SYNJ2: variants seen among roughly 807,000 people sequenced by gnomAD.
The protein encoded by SYNJ2 is synaptojanin 2.
In SYNJ2, 116 loss-of-function variants were observed where a neutral mutation model predicts 141.3. The observed-to-expected ratio is 0.82, with a 90% CI of 0.71 to 0.96. SYNJ2 has a LOEUF of 0.96. Ranked by LOEUF, SYNJ2 falls within the 40% of genes least tolerant of loss-of-function variation. The pLI is 0.00. For synonymous variants in SYNJ2, 745 were observed against 777.7 expected (o/e 0.96, Z 0.70); for missense variants, 1,873 against 1,934.8 (o/e 0.97, Z 0.60).
At chr6:158,055,069 C>T (rs1193787682) in intron 6 of SYNJ2, 41 bp downstream of exon 6, 1 of 1,604,884 alleles carries the variant, frequency 6.2e-7, no homozygotes. Flanking sequence ...TCATTGTCAT[C>T]CTTAGACATC....
chr6:158,088,871 C>A, intron 24 of SYNJ2, 99 bp downstream of exon 24: 1 of 837,314 alleles, frequency 1.2e-6, no homozygotes, highest in Non-Finnish European at 1.9e-6. Context: ...GTGTCTTTAA[C>A]CCTCTACCTG....
At chr6:158,031,156 A>G (rs9459175) in intron 3 of SYNJ2, among the ~76,000 whole-genome samples, 67,053 of 152,116 alleles carry the variant, frequency 0.44, 16,517 homozygotes, top group African/African-American at 0.68. Context: ...GCCAAGCTTA[A>G]GCACAGAGGG....
intron 25 of SYNJ2, among the ~76,000 whole-genome samples, chr6:158,090,542 G>GTTTTTTTTTTTTTTTTT (rs58356198): frequency 1.8e-5 from 2 of 113,922 alleles, no homozygotes; most frequent in Admixed American, 1.1e-4. Flanking sequence ...TTTTTTTTTT[G>GTTTTTTTTTTTTTTTTT]TTTTTTTTTT....
chr6:158,089,853 TG>T lies in SYNJ2; in HGVS notation c.3473del (p.Gly1158GlufsTer2). The T allele has an allele frequency of 1.2e-6, 2 of 1,613,866 alleles. No homozygotes were observed. The highest frequency in any genetic ancestry group is 1.7e-6 in the Non-Finnish European group (2 of 1,179,860). ...APQQPPKARTGISKPYNVKQI... is the reference protein window; with the variant it reads ...APQQPPKARTXISKPYNVKQI... The stretch of plus-strand genomic sequence containing the variant: ...CTGTCCTCAAGCCCAAGGCTCGGAC[TG>T]GAATAAGTAAACCTTATAATGTCAA... On this transcript the variant is annotated frameshift_variant, in exon 25 of 27. Coordinates refer to ENST00000355585, the MANE Select transcript of SYNJ2 (RefSeq NM_003898.4). LOFTEE classifies it high-confidence loss of function.
In SYNJ2 at chr6:158,031,511, C is replaced by T. The variant is rs78021204; in HGVS notation, c.486-1944C>T. Among the ~76,000 whole-genome samples, 134 of 152,308 alleles carry T rather than the reference C, an allele frequency of 8.8e-4. No individual in the cohort carries two copies. The East Asian group carries it at 0.022, about 25-fold the overall frequency. The stretch of plus-strand genomic sequence containing the variant: ...GCTCCTCAGCTGTAACACGCCAGGG[C>T]GTGGTGTTTAGGCTCAGGGTGGAGC... On this transcript the variant is annotated intron_variant, in intron 3 of 26. Transcript: ENST00000355585.
intron 3 of SYNJ2, among the ~76,000 whole-genome samples, chr6:158,032,620 G>T (rs911837): frequency 0.015 from 2,284 of 152,298 alleles, 28 homozygotes; most frequent in Non-Finnish European, 0.024. Context: ...GCTCCATGAC[G>T]CCACTGGCTG....
intron 4 of SYNJ2, among the ~76,000 whole-genome samples, chr6:158,034,573 G>A (rs550241203): frequency 6.6e-6 from 1 of 152,358 alleles, no homozygotes; most frequent in East Asian, 1.9e-4. Context: ...TGAGGAGGCT[G>A]CTCTCAGAGT....
chr6:158,063,809 G>C lies in SYNJ2; in HGVS notation c.1146G>C (p.Leu382Phe). ...NVSPRFQKGT[L>F]RMNCLDCLDR... is the part of the protein sequence containing the mutation. Reference sequence around the variant, plus strand: ...TCCTAAGTTTTCAGAAAGGCACTTTGCGGATGAACTGTCTTGACTGCCTGG... The same window carrying C: ...TCCTAAGTTTTCAGAAAGGCACTTTCCGGATGAACTGTCTTGACTGCCTGG... The change falls in exon 9 of 27, where the codon TTG becomes TTC. Residue 382 changes from leucine to phenylalanine, a missense_variant. Coordinates refer to ENST00000355585, the MANE Select transcript of SYNJ2 (RefSeq NM_003898.4). 6.2e-7 allele frequency: 1 copy of C among 1,613,334 alleles called. No individual in the cohort carries two copies. The highest frequency in any genetic ancestry group is 1.7e-5 in the Admixed American group (1 of 59,978).
intron 20 of SYNJ2, among the ~76,000 whole-genome samples, chr6:158,082,069 G>A (rs555922914): frequency 8.1e-4 from 123 of 152,266 alleles, no homozygotes; most frequent in Non-Finnish European, 1.7e-3. Flanking sequence ...GCGGAAGGGT[G>A]GGCGCAGTGG....
chr6:157,982,180 G>T lies in SYNJ2; in HGVS notation c.127+92G>T, dbSNP rs1583269254. 1 of 1,244,422 alleles carries T rather than the reference G, an allele frequency of 8.0e-7. No individual in the cohort carries two copies. Among genetic ancestry groups the T allele is most frequent in the Non-Finnish European group, 1.0e-6 (1 of 992,478 alleles). 77.1% of individuals were successfully genotyped at this position (1,244,422 alleles called of 1,614,324 possible). A position where few individuals can be genotyped will look rare whatever the true frequency, so the allele number is the denominator to read the frequency against. On this transcript the variant is annotated intron_variant, in intron 1 of 26. Transcript: ENST00000355585. This position sits in a 1 kb window ranked among gnomAD's most constrained non-coding sequence, Gnocchi z 4.0. ...GACGGGTACCCCCCCTTCCCGAGGGGATCGGGCGGCGCTGGGACTGCCGGG... is the reference window on the plus strand; with the variant it reads ...GACGGGTACCCCCCCTTCCCGAGGGTATCGGGCGGCGCTGGGACTGCCGGG...
intron 9 of SYNJ2, 125 bp from the exon 10 acceptor site, chr6:158,064,476 G>A: frequency 2.5e-6 from 3 of 1,208,636 alleles, no homozygotes; most frequent in Admixed American, 2.1e-5. Flanking sequence ...TCATCCTCTG[G>A]AGGGGCACAG....
chr6:158,081,004 G>A, intron 18 of SYNJ2, 105 bp from the exon 19 acceptor site: 1 of 1,027,112 alleles, frequency 9.7e-7, no homozygotes, highest in Non-Finnish European at 1.5e-6. Flanking sequence ...GGGGACTGGG[G>A]GCTGGAGATG....
At chr6:158,041,947 T>C (rs968617703) in intron 4 of SYNJ2, among the ~76,000 whole-genome samples, 4 of 152,228 alleles carry the variant, frequency 2.6e-5, no homozygotes, top group African/African-American at 9.6e-5. Context: ...ACTTTTGGGC[T>C]CAAGCCCGCC....
At chr6:158,025,900 C>T (rs1779015774) in intron 2 of SYNJ2, among the ~76,000 whole-genome samples, 1 of 150,800 alleles carries the variant, frequency 6.6e-6, no homozygotes, top group Admixed American at 6.6e-5. Context: ...TGCGGTGAGC[C>T]GAGATCACAC....
intron 1 of SYNJ2, among the ~76,000 whole-genome samples, chr6:157,991,149 G>C (rs1237850598): frequency 1.3e-5 from 2 of 152,208 alleles, no homozygotes; most frequent in African/African-American, 2.4e-5. Context: ...TTCTAAGGAG[G>C]GGAAGAGAGA....
chr6:158,023,332 G>T (rs1326906798), intron 2 of SYNJ2, among the ~76,000 whole-genome samples: 1 of 151,968 alleles, frequency 6.6e-6, no homozygotes, highest in Non-Finnish European at 1.5e-5. Context: ...AGGCAGTCAG[G>T]CTGTCAATGA....
intron 4 of SYNJ2, among the ~76,000 whole-genome samples, chr6:158,036,217 C>A (rs191131113): frequency 7.9e-5 from 12 of 152,164 alleles, no homozygotes; most frequent in Non-Finnish European, 1.6e-4. Flanking sequence ...GTTAAAAAGT[C>A]GAAAAATAAC....
chr6:158,027,306 A>G lies in SYNJ2; in HGVS notation c.215-1450A>G. 2.8e-6 allele frequency: 2 copies of G among 703,700 alleles called. No homozygotes were observed. Among genetic ancestry groups the G allele is most frequent in the South Asian group, 6.4e-5 (1 of 15,706 alleles). The allele number at this position is 703,700 out of a possible 1,614,324, so 43.6% of individuals were successfully genotyped here. On this transcript the variant is annotated intron_variant, in intron 2 of 26. Coordinates refer to ENST00000355585, the MANE Select transcript of SYNJ2 (RefSeq NM_003898.4). The surrounding 1 kb of genome is among the most constrained non-coding windows in gnomAD (Gnocchi z 4.6). ...ATTCACAGAAGATCTCGCTGGGCGG[A>G]TCCTTCAGACCTCAGCGGGGTGGGA...
rs991515262 is a variant in SYNJ2, at chr6:158,027,360, A to C, written c.215-1396A>C. ...GTGTCCTTGGGACTAGAGCCCTGCC[A>C]GACCCCAAAGGCCGGTTTCTACCCG... On this transcript the variant is annotated intron_variant, in intron 2 of 26. Transcript: ENST00000355585. The surrounding 1 kb of genome is among the most constrained non-coding windows in gnomAD (Gnocchi z 4.6). 3.1e-6 allele frequency: 1 copy of C among 323,254 alleles called. No individual in the cohort carries two copies. Among genetic ancestry groups the C allele is most frequent in the African/African-American group, 2.2e-5 (1 of 44,514 alleles). The allele number at this position is 323,254 out of a possible 1,614,324, so 20.0% of individuals were successfully genotyped here.
Sources: gnomAD v4.1 joint callset for allele counts (sites outside exome capture counted in the v4.1 genomes callset) on GRCh38, gnomAD v4.1.1 for gene constraint, Gnocchi (gnomAD v3.1) non-coding constraint, MANE v1.5 for transcripts, NCBI Gene and HGNC (gene_info 2026-07-23, HGNC 2026-07-21) for gene names.